FMO2: variants seen among roughly 807,000 people sequenced by gnomAD.
FMO2 encodes the protein flavin containing dimethylaniline monoxygenase 2.
In FMO2, 33 loss-of-function variants were observed where a neutral mutation model predicts 41.6. The ratio of observed to expected loss-of-function variants is 0.79; its 90% CI spans 0.60 to 1.06. FMO2 has a LOEUF of 1.06. FMO2 is among the 50% of genes least tolerant of loss of function. The probability of loss-of-function intolerance (pLI) is 0.00; values close to 1 mark genes in which losing one functional copy is unlikely to be tolerated. For missense variants in FMO2, 619 were observed against 632.9 expected (o/e 0.98, Z 0.23); for synonymous variants, 214 against 219.6 (o/e 0.97, Z 0.23).
At chr1:171,200,129 C>A (rs757994061) in intron 5 of FMO2, among the ~76,000 whole-genome samples, 9 of 152,076 alleles carry the variant, frequency 5.9e-5, no homozygotes, top group East Asian at 1.9e-4. Context: ...ATATAGATAA[C>A]CTTCAGTTAC....
intron 7 of FMO2, 121 bp from the exon 8 acceptor site, chr1:171,207,597 C>T (rs766392555): frequency 3.4e-5 from 25 of 726,594 alleles, no homozygotes; most frequent in Admixed American, 7.0e-5. Context: ...TTCAACAGCA[C>T]GGAAGCCCTG....
At chr1:171,201,488 G>T (rs915733879) in intron 5 of FMO2, among the ~76,000 whole-genome samples, 2 of 152,192 alleles carry the variant, frequency 1.3e-5, no homozygotes, top group Admixed American at 6.5e-5. Flanking sequence ...AGCTATACAT[G>T]CTAGGAACGG....
chr1:171,200,541 C>G (rs1055894264), intron 5 of FMO2, among the ~76,000 whole-genome samples: 1 of 152,120 alleles, frequency 6.6e-6, no homozygotes, highest in Admixed American at 6.6e-5. Context: ...AAGTCTTACA[C>G]TTTCAGGACT....
In FMO2 at chr1:171,207,797, ATTT is replaced by A. The variant is rs772381520; in HGVS notation, c.1256+13_1256+15del. The A allele has an allele frequency of 6.5e-7, 1 of 1,536,062 alleles. No homozygotes were observed. The highest frequency in any genetic ancestry group is 1.1e-5 in the South Asian group (1 of 88,978). ...ATGAAAAAAGAATTGACCTGTAAGAATTTTTTTTAATTCTTTACATGAAGCAGT... is the reference window on the plus strand; with the variant it reads ...ATGAAAAAAGAATTGACCTGTAAGAATTTTTAATTCTTTACATGAAGCAGT... On this transcript the variant is annotated splice_region_variant and intron_variant, in intron 8 of 8. Coordinates refer to ENST00000209929, the MANE Select transcript of FMO2 (RefSeq NM_001460.5).
At chr1:171,192,752 C>T (rs889439950) in intron 2 of FMO2, among the ~76,000 whole-genome samples, 153 of 126,388 alleles carry the variant, frequency 1.2e-3, no homozygotes, top group Non-Finnish European at 1.3e-3. Flanking sequence ...GGTGACAGAG[C>T]GAGACTCTGT....
At chr1:171,192,282 C>T (rs12139332) in intron 2 of FMO2, among the ~76,000 whole-genome samples, 2 of 152,192 alleles carry the variant, frequency 1.3e-5, no homozygotes, top group African/African-American at 4.8e-5. Context: ...TTATTATATC[C>T]TTGTATATGA....
At chr1:171,196,853 CA>C in intron 4 of FMO2, 42 bp downstream of exon 4, 1 of 1,584,916 alleles carries the variant, frequency 6.3e-7, no homozygotes, top group Non-Finnish European at 8.6e-7. Context: ...AGTAGGTTTC[CA>C]GGTACTTTAT....
At position 171,187,654 on chromosome 1, in the gene FMO2, A is replaced by C. The variant is rs926085262; in HGVS notation, c.132+1809A>C. 4.5e-5 allele frequency among the ~76,000 whole-genome samples: 6 copies of C among 132,176 alleles called. No homozygotes were observed. The South Asian group carries it at 1.5e-3, about 33-fold the overall frequency. 86.7% of individuals were successfully genotyped at this position (132,176 alleles called of 152,430 possible). ...AAAAAAAAAAAAAAAAAAAAAAAAA[A>C]TACTGATTTGTGGGCACTCCATCCC... On this transcript the variant is annotated intron_variant, in intron 2 of 8. Coordinates refer to ENST00000209929, the MANE Select transcript of FMO2 (RefSeq NM_001460.5).
At chr1:171,199,279 T>C in intron 4 of FMO2, 67 bp from the exon 5 acceptor site, 1 of 1,421,044 alleles carries the variant, frequency 7.0e-7, no homozygotes. Flanking sequence ...GGCAATGCAG[T>C]TTTATTGAAA....
At chr1:171,205,221 G>A in intron 6 of FMO2, 58 bp from the exon 7 acceptor site, 1 of 1,076,080 alleles carries the variant, frequency 9.3e-7, no homozygotes, top group South Asian at 1.6e-5. Flanking sequence ...AATATCAAGA[G>A]GGTTCAAGAT....
At chr1:171,207,981 A>G (rs1658834374) in intron 8 of FMO2, among the ~76,000 whole-genome samples, 191 bp downstream of exon 8, 1 of 152,210 alleles carries the variant, frequency 6.6e-6, no homozygotes, top group African/African-American at 2.4e-5. Context: ...CGATTCTTAT[A>G]CATACTAGGT....
intron 2 of FMO2, among the ~76,000 whole-genome samples, chr1:171,188,069 T>A (rs1408805815): frequency 6.7e-6 from 1 of 148,570 alleles, no homozygotes; most frequent in Non-Finnish European, 1.5e-5. Flanking sequence ...CCAGGTAGAT[T>A]CTTAACCTAA....
At chr1:171,200,885 T>G (rs28369882) in intron 5 of FMO2, among the ~76,000 whole-genome samples, 1 of 151,942 alleles carries the variant, frequency 6.6e-6, no homozygotes, top group Admixed American at 6.6e-5. Flanking sequence ...TTAGGAACAG[T>G]GTGTAATGGG....
Position 171,187,627 on chromosome 1 carries a change from CAAAAAAAAAA to C in FMO2, c.132+1800_132+1809del, listed in dbSNP as rs765479366. 4.0e-3 allele frequency among the ~76,000 whole-genome samples: 328 copies of C among 82,604 alleles called. 5 individuals are homozygous for C. Among genetic ancestry groups the C allele is most frequent in the Admixed American group, 0.032 (247 of 7,700 alleles). The allele number at this position is 82,604 out of a possible 152,430, so 54.2% of individuals were successfully genotyped here. A position where few individuals can be genotyped will look rare whatever the true frequency, so the allele number is the denominator to read the frequency against. On this transcript the variant is annotated intron_variant, in intron 2 of 8. Coordinates refer to ENST00000209929, the MANE Select transcript of FMO2 (RefSeq NM_001460.5). ...TGATTCCTTTGGTTAAACCTGCCAC[CAAAAAAAAAA>C]AAAAAAAAAAAAAAAAATACTGATT...
intron 3 of FMO2, among the ~76,000 whole-genome samples, chr1:171,193,726 A>C (rs1046718568): frequency 3.9e-5 from 6 of 152,134 alleles, no homozygotes; most frequent in Admixed American, 1.3e-4. Context: ...TGAAGAGGAA[A>C]ATCATCTGTT....
chr1:171,188,081 C>T (rs1230396688), intron 2 of FMO2, among the ~76,000 whole-genome samples: 1 of 111,208 alleles, frequency 9.0e-6, no homozygotes, highest in Non-Finnish European at 1.8e-5. Flanking sequence ...TTAACCTAAA[C>T]AAGAAATGTA....
intron 2 of FMO2, among the ~76,000 whole-genome samples, chr1:171,190,884 G>A (rs1373802234): frequency 1.3e-5 from 2 of 152,064 alleles, no homozygotes; most frequent in East Asian, 1.9e-4. Flanking sequence ...GGTGGCTCAC[G>A]CCTGTAATCC....
intron 2 of FMO2, chr1:171,186,257 T>G (rs1657844716): frequency 6.5e-6 from 1 of 154,638 alleles, no homozygotes; most frequent in South Asian, 2.0e-4. Context: ...CTCTGACAAA[T>G]GAAGCATGTT....
chr1:171,189,906 T>C (rs115170161), intron 2 of FMO2, among the ~76,000 whole-genome samples: 25 of 152,242 alleles, frequency 1.6e-4, no homozygotes, highest in African/African-American at 5.8e-4. Context: ...TCATATTCAA[T>C]TCAAGTAATG....
Sources: allele counts gnomAD v4.1 joint callset (sites outside exome capture counted in the v4.1 genomes callset), GRCh38; gene constraint gnomAD v4.1.1; transcripts MANE v1.5; gene names NCBI Gene and HGNC (gene_info 2026-07-23, HGNC 2026-07-21).